The following RBFOX1 variants were observed in gnomAD, a reference collection of about 807,000 sequenced individuals.
RBFOX1 encodes RNA binding fox-1 homolog 1, also known as RNA binding protein fox-1 homolog 1.
In RBFOX1, 8 loss-of-function variants were observed where a neutral mutation model predicts 57.7. The observed-to-expected ratio is 0.14, with a 90% CI of 0.08 to 0.25. The LOEUF (loss-of-function observed/expected upper bound fraction) is 0.25, where lower values mean the gene tolerates loss of function less well. Among genes scored for constraint, RBFOX1 ranks in the 10% least tolerant of loss-of-function variants. The pLI is 1.00. For synonymous variants in RBFOX1, 326 were observed against 222.4 expected (o/e 1.47, Z -4.15); for missense variants, 611 against 548.5 (o/e 1.11, Z -1.14).
intron 3 of RBFOX1, among the ~76,000 whole-genome samples, chr16:6,751,098 G>A (rs949865316): frequency 6.6e-6 from 1 of 152,160 alleles, no homozygotes; most frequent in Non-Finnish European, 1.5e-5. Context: ...CAGTGGAGGG[G>A]TAGGACATAG....
In RBFOX1 at chr16:6,957,958, C is replaced by T. The variant is rs918530840; in HGVS notation, c.-15-94099C>T. ...AGAAGTCACACAGCATCACTTCCAG[C>T]ATATTCTCTTGGTTACACAGGACCA... is the stretch of plus-strand genomic sequence containing the variant. On this transcript the variant is annotated intron_variant, in intron 3 of 15. Coordinates refer to ENST00000550418, the MANE Select transcript of RBFOX1 (RefSeq NM_018723.4). 3.9e-5 allele frequency among the ~76,000 whole-genome samples: 6 copies of T among 152,122 alleles called. 1 individual carries two copies. In the East Asian group the frequency reaches 7.7e-4, roughly 20 times the overall value.
At chr16:5,856,534 T>G (rs1480501954) in intron 3 of RBFOX1, among the ~76,000 whole-genome samples, 3 of 57,140 alleles carry the variant, frequency 5.3e-5, no homozygotes, top group African/African-American at 2.3e-4. Flanking sequence ...TTCATATATG[T>G]GTATGTGTGT....
chr16:7,363,996 G>C (rs1182212336), intron 4 of RBFOX1, among the ~76,000 whole-genome samples: 3 of 152,164 alleles, frequency 2.0e-5, no homozygotes, highest in Admixed American at 6.5e-5. Context: ...TTTTTGAACA[G>C]GAAGACAGCA....
chr16:6,927,888 AT>A (rs2075887368), intron 3 of RBFOX1, among the ~76,000 whole-genome samples: 1 of 152,240 alleles, frequency 6.6e-6, no homozygotes, highest in Non-Finnish European at 1.5e-5. Context: ...TACTAATAGC[AT>A]ACGCTAAACA....
intron 2 of RBFOX1, among the ~76,000 whole-genome samples, chr16:6,461,872 A>T (rs572245339): frequency 6.6e-6 from 1 of 152,184 alleles, no homozygotes; most frequent in Non-Finnish European, 1.5e-5. Context: ...GGATATTTTC[A>T]TTGTTCAGTA....
intron 3 of RBFOX1, among the ~76,000 whole-genome samples, chr16:5,814,610 C>G (rs1407136744): frequency 2.6e-5 from 4 of 152,176 alleles, no homozygotes; most frequent in Non-Finnish European, 4.4e-5. Context: ...ATCCACTTGT[C>G]TATCCTGCCA....
intron 1 of RBFOX1, among the ~76,000 whole-genome samples, chr16:6,196,252 G>A (rs1159259645): frequency 1.3e-5 from 2 of 152,154 alleles, no homozygotes; most frequent in African/African-American, 4.8e-5. Flanking sequence ...GGATTCCTAA[G>A]CTCGTGCTTT....
At chr16:5,370,264 A>G (rs1053404577) in intron 1 of RBFOX1, among the ~76,000 whole-genome samples, 2 of 152,014 alleles carry the variant, frequency 1.3e-5, no homozygotes, top group Admixed American at 1.3e-4. Context: ...AGCACAACAG[A>G]CTTGTAACAG....
intron 4 of RBFOX1, among the ~76,000 whole-genome samples, chr16:7,320,690 C>G (rs982515786): frequency 2.6e-5 from 4 of 152,200 alleles, no homozygotes; most frequent in Non-Finnish European, 5.9e-5. Flanking sequence ...ATCATTTAAA[C>G]GCTCAGCACT....
chr16:7,132,156 T>C (rs557392665), intron 4 of RBFOX1, among the ~76,000 whole-genome samples: 18 of 152,060 alleles, frequency 1.2e-4, no homozygotes, highest in South Asian at 1.0e-3. Flanking sequence ...AATTTTTGTA[T>C]TGTTAATGGA....
At chr16:6,784,649 T>G (rs2154240543) in intron 3 of RBFOX1, among the ~76,000 whole-genome samples, 1 of 152,236 alleles carries the variant, frequency 6.6e-6, no homozygotes, top group Middle Eastern at 3.4e-3. Flanking sequence ...TGAGGTCGTG[T>G]TTTCCTAGAT....
chr16:6,169,543 A>C (rs2152762112), intron 1 of RBFOX1, among the ~76,000 whole-genome samples: 1 of 152,260 alleles, frequency 6.6e-6, no homozygotes, highest in Non-Finnish European at 1.5e-5. Context: ...ATTCAGAGAG[A>C]CTCCAGCACA....
At chr16:7,691,504 A>C (rs745933475) in intron 14 of RBFOX1, among the ~76,000 whole-genome samples, 8 of 151,222 alleles carry the variant, frequency 5.3e-5, no homozygotes, top group Non-Finnish European at 1.0e-4. Flanking sequence ...GGAAGGAAAA[A>C]GGGTAGTTTA....
chr16:7,456,631 C>A (rs2058565350), intron 4 of RBFOX1, among the ~76,000 whole-genome samples: 1 of 152,158 alleles, frequency 6.6e-6, no homozygotes. Context: ...GAGAACACAC[C>A]TTCACGTGCA....
intron 3 of RBFOX1, among the ~76,000 whole-genome samples, chr16:6,663,282 A>C (rs1326169596): frequency 1.3e-5 from 2 of 152,198 alleles, no homozygotes; most frequent in Non-Finnish European, 2.9e-5. Flanking sequence ...GCTCAGCTTA[A>C]GTATTTGTAT....
intron 4 of RBFOX1, among the ~76,000 whole-genome samples, chr16:7,178,226 C>G (rs995932050): frequency 4.6e-5 from 7 of 152,228 alleles, no homozygotes; most frequent in African/African-American, 9.6e-5. Context: ...ACACAGTGAC[C>G]TAGTGATTCA....
chr16:7,620,361 CA>C (rs925870889), intron 10 of RBFOX1, among the ~76,000 whole-genome samples: 18 of 152,184 alleles, frequency 1.2e-4, no homozygotes, highest in Non-Finnish European at 2.2e-4. Flanking sequence ...TTCCAGTCAG[CA>C]AGATCAGGAA....
chr16:5,575,787 C>A (rs1338302856), intron 2 of RBFOX1, among the ~76,000 whole-genome samples: 2 of 152,026 alleles, frequency 1.3e-5, no homozygotes, highest in Admixed American at 6.6e-5. Flanking sequence ...TAAAATGTAA[C>A]CTCTTCTTGG....
At chr16:5,359,969 T>C (rs1186361553) in intron 1 of RBFOX1, among the ~76,000 whole-genome samples, 1 of 152,240 alleles carries the variant, frequency 6.6e-6, no homozygotes, top group Non-Finnish European at 1.5e-5. Flanking sequence ...AGAATGTTTG[T>C]TCCAGAGCGA....
Sources: allele counts gnomAD v4.1 joint callset (sites outside exome capture counted in the v4.1 genomes callset), GRCh38; gene constraint gnomAD v4.1.1; transcripts MANE v1.5; gene names NCBI Gene and HGNC (gene_info 2026-07-23, HGNC 2026-07-21).